The following IL1RAPL1 variants were observed in gnomAD, a reference collection of about 807,000 sequenced individuals.
IL1RAPL1 encodes the protein interleukin 1 receptor accessory protein like 1.
IL1RAPL1 carries 3 observed loss-of-function variants against 48.4 expected under a neutral mutation model. That is an observed-to-expected ratio of 0.06 (90% CI 0.03 to 0.16). IL1RAPL1 has a LOEUF of 0.16. Ranked by LOEUF, IL1RAPL1 falls within the 10% of genes least tolerant of loss-of-function variation. IL1RAPL1 has a pLI of 1.00. For missense variants in IL1RAPL1, 349 were observed against 530.6 expected (o/e 0.66, Z 3.36); for synonymous variants, 185 against 187.7 (o/e 0.99, Z 0.12).
intron 3 of IL1RAPL1, among the ~76,000 whole-genome samples, chrX:29,315,371 T>C (rs766831086): frequency 2.7e-5 from 3 of 112,055 alleles, no homozygotes; most frequent in African/African-American, 9.7e-5. Flanking sequence ...GGTCCTATCT[T>C]ACACAGTTTA....
At chrX:29,003,335 G>T (rs1384334597) in intron 2 of IL1RAPL1, among the ~76,000 whole-genome samples, 1 of 111,736 alleles carries the variant, frequency 8.9e-6, no homozygotes, top group African/African-American at 3.3e-5. Context: ...AGATTTTAAT[G>T]AGGGGAGGGA....
chrX:29,131,343 G>T lies in IL1RAPL1; in HGVS notation c.83-151595G>T, dbSNP rs1929018186. 2.7e-5 allele frequency among the ~76,000 whole-genome samples: 3 copies of T among 109,700 alleles called. No individual in the cohort carries two copies. The South Asian group carries it at 1.2e-3, about 43-fold the overall frequency. On this transcript the variant is annotated intron_variant, in intron 2 of 10. Coordinates refer to ENST00000378993, the MANE Select transcript of IL1RAPL1 (RefSeq NM_014271.4). ...CCCAGGCAGACTAATCGAAGATCTT[G>T]TCTAATATTTTGGAATTGTGATTAT...
At chrX:29,512,114 T>C in intron 5 of IL1RAPL1, among the ~76,000 whole-genome samples, 1 of 109,782 alleles carries the variant, frequency 9.1e-6, no homozygotes, top group South Asian at 3.8e-4. Context: ...ATAATCTCTC[T>C]TTCTATTTAG....
chrX:29,615,711 A>T (rs952390318), intron 5 of IL1RAPL1, among the ~76,000 whole-genome samples: 1 of 112,304 alleles, frequency 8.9e-6, no homozygotes, highest in Non-Finnish European at 1.9e-5. Flanking sequence ...AAAGTTTTTC[A>T]ATCCAAATTA....
intron 2 of IL1RAPL1, among the ~76,000 whole-genome samples, chrX:28,971,187 C>A (rs1925061296): frequency 1.8e-5 from 2 of 111,554 alleles, no homozygotes; most frequent in Admixed American, 1.9e-4. Flanking sequence ...AACTACAGAA[C>A]CGTATTGTTC....
chrX:29,897,024 T>C (rs963718843), intron 6 of IL1RAPL1, among the ~76,000 whole-genome samples: 5 of 112,459 alleles, frequency 4.4e-5, no homozygotes, highest in African/African-American at 1.6e-4. Context: ...ACAGAGCCAA[T>C]ACAATGCGTA....
intron 3 of IL1RAPL1, among the ~76,000 whole-genome samples, chrX:29,285,668 A>G (rs1201802484): frequency 9.0e-6 from 1 of 111,172 alleles, no homozygotes; most frequent in African/African-American, 3.3e-5. Context: ...AAACTAAAAG[A>G]CAAATACTTT....
At chrX:29,544,186 A>G (rs954485398) in intron 5 of IL1RAPL1, among the ~76,000 whole-genome samples, 2 of 111,715 alleles carry the variant, frequency 1.8e-5, no homozygotes, top group African/African-American at 6.5e-5. Context: ...TCCCTGCCAA[A>G]CAATTCTCTT....
intron 1 of IL1RAPL1, among the ~76,000 whole-genome samples, chrX:28,720,648 C>T (rs151013491): frequency 0.011 from 1,246 of 111,649 alleles, 16 homozygotes; most frequent in African/African-American, 0.038. Context: ...ATATGCACAA[C>T]GTGCAGGTTT....
At chrX:29,049,907 C>T (rs1927056173) in intron 2 of IL1RAPL1, among the ~76,000 whole-genome samples, 1 of 112,149 alleles carries the variant, frequency 8.9e-6, no homozygotes, top group African/African-American at 3.2e-5. Context: ...TGATAAATTA[C>T]TGTAAACTAA....
intron 2 of IL1RAPL1, among the ~76,000 whole-genome samples, chrX:28,866,438 G>A (rs921289985): frequency 9.0e-6 from 1 of 111,193 alleles, no homozygotes; most frequent in Non-Finnish European, 1.9e-5. Flanking sequence ...TATACTGCTC[G>A]GGTAATGAGT....
intron 5 of IL1RAPL1, among the ~76,000 whole-genome samples, chrX:29,498,526 A>G (rs2147758290): frequency 9.3e-6 from 1 of 108,076 alleles, no homozygotes. Flanking sequence ...GAATTCATTC[A>G]TTTTCTATTG....
At chrX:29,384,684 G>T (rs1394291647) in intron 3 of IL1RAPL1, among the ~76,000 whole-genome samples, 3 of 112,409 alleles carry the variant, frequency 2.7e-5, no homozygotes, top group Admixed American at 1.9e-4. Flanking sequence ...TAGTTCCATT[G>T]GGGTAAGCCC....
intron 6 of IL1RAPL1, among the ~76,000 whole-genome samples, chrX:29,758,911 C>T (rs1928687287): frequency 9.0e-6 from 1 of 111,342 alleles, no homozygotes; most frequent in South Asian, 3.7e-4. Flanking sequence ...TGGGCTAATG[C>T]AGAGGTTAAA....
At chrX:29,214,370 T>C (rs1277375770) in intron 2 of IL1RAPL1, among the ~76,000 whole-genome samples, 1 of 110,915 alleles carries the variant, frequency 9.0e-6, no homozygotes, top group Non-Finnish European at 1.9e-5. Flanking sequence ...TAAACTGATA[T>C]GAAATTGAGG....
chrX:29,295,194 A>T lies in IL1RAPL1; in HGVS notation c.362+11977A>T, dbSNP rs375109902. Among the ~76,000 whole-genome samples the T allele has an allele frequency of 2.2e-4, 25 of 111,985 alleles. No homozygotes were observed. The East Asian group carries it at 3.7e-3, about 16-fold the overall frequency. On this transcript the variant is annotated intron_variant, in intron 3 of 10. Coordinates refer to ENST00000378993, the MANE Select transcript of IL1RAPL1 (RefSeq NM_014271.4). ...ATTCTGAGCTTCATTGGATGTTGCT[A>T]TGGGAAATAAGTAAAAGAGACAGCA...
chrX:29,893,109 C>T (rs867007541), intron 6 of IL1RAPL1, among the ~76,000 whole-genome samples: 4 of 111,483 alleles, frequency 3.6e-5, no homozygotes, highest in African/African-American at 9.8e-5. Flanking sequence ...GCACATCCAC[C>T]GTTTACTGAG....
chrX:29,005,110 C>T (rs987455394), intron 2 of IL1RAPL1, among the ~76,000 whole-genome samples: 1 of 112,001 alleles, frequency 8.9e-6, no homozygotes, highest in South Asian at 3.7e-4. Flanking sequence ...ATAGAGAAAA[C>T]CAACTTAAAA....
chrX:29,898,809 A>C (rs1306113445), intron 6 of IL1RAPL1, among the ~76,000 whole-genome samples: 1 of 112,240 alleles, frequency 8.9e-6, no homozygotes, highest in Admixed American at 9.5e-5. Context: ...GAGAGTTGCT[A>C]GTATTAAAAA....
Sources: gnomAD v4.1 joint callset for allele counts (sites outside exome capture counted in the v4.1 genomes callset) on GRCh38, gnomAD v4.1.1 for gene constraint, MANE v1.5 for transcripts, NCBI Gene and HGNC (gene_info 2026-07-23, HGNC 2026-07-21) for gene names.